OCA2: variants seen among roughly 807,000 people sequenced by gnomAD.
The protein encoded by OCA2 is P protein.
Under a neutral mutation model 100.2 loss-of-function variants are expected in OCA2, and 77 were observed. The ratio of observed to expected loss-of-function variants is 0.77; its 90% CI spans 0.64 to 0.93. The LOEUF (loss-of-function observed/expected upper bound fraction) is 0.93, where lower values mean the gene tolerates loss of function less well. OCA2 is among the 40% of genes least tolerant of loss of function. The pLI, the probability that OCA2 is intolerant of heterozygous loss-of-function variation, is 0.00. For synonymous variants in OCA2, 432 were observed against 439.2 expected (o/e 0.98, Z 0.21); for missense variants, 1,062 against 1,089.1 (o/e 0.98, Z 0.35).
rs540452318 is a variant in OCA2 at position 27,826,517 on chromosome 15, C to A, written c.2432+18442G>T. 1.7e-4 allele frequency among the ~76,000 whole-genome samples: 26 copies of A among 152,240 alleles called. No homozygotes were observed. In the South Asian group the frequency reaches 3.5e-3, roughly 21 times the overall value. On this transcript the variant is annotated intron_variant, in intron 23 of 23. Coordinates refer to ENST00000354638, the MANE Select transcript of OCA2 (RefSeq NM_000275.3). ...GGAACCCAGGCCTGGACACTGCCTC[C>A]CCCTCCTTTCCCCAGCTCCCTGCAC...
At chr15:28,057,644 T>G (rs2043743184) in intron 2 of OCA2, among the ~76,000 whole-genome samples, 1 of 151,958 alleles carries the variant, frequency 6.6e-6, no homozygotes. Context: ...AAGCTACTCT[T>G]GCATTCAAAT....
chr15:27,791,996 G>C (rs982587474), intron 23 of OCA2, among the ~76,000 whole-genome samples: 1 of 152,150 alleles, frequency 6.6e-6, no homozygotes, highest in African/African-American at 2.4e-5. Flanking sequence ...CTCCCAAGGA[G>C]GGGAGGAGCC....
intron 11 of OCA2, among the ~76,000 whole-genome samples, chr15:27,988,988 A>G (rs1482718471): frequency 6.6e-6 from 1 of 152,200 alleles, no homozygotes; most frequent in Non-Finnish European, 1.5e-5. Flanking sequence ...CTTCTAGCCC[A>G]GAGAGGAAGA....
the OCA2 span, among the ~76,000 whole-genome samples, chr15:27,722,788 CTCTCTCTCTCTCTTTCTCTCTCTCTT>C: frequency 7.0e-6 from 1 of 143,590 alleles, no homozygotes; most frequent in African/African-American, 2.7e-5. Flanking sequence ...CTTTCTCTCT[CTCTCTCTCTCTCTTTCTCTCTCTCTT>C]TCTCTCTCTC....
In OCA2 at chr15:28,028,010, A is replaced by G. The variant is rs1566816729; in HGVS notation, c.376T>C (p.Ser126Pro). 1 of 1,613,898 alleles carries G rather than the reference A, an allele frequency of 6.2e-7. No homozygotes were observed. Among genetic ancestry groups the G allele is most frequent in the Non-Finnish European group, 8.5e-7 (1 of 1,179,986 alleles). ...CAGTCAGCAGAGCTGTCTTCCCAAG[A>G]CTCTTCAGCAGTGATGAACTCTGGA... is the stretch of plus-strand genomic sequence containing the variant. ...YHPEFITAEESWEDSSADWER... is the reference protein window; with the variant it reads ...YHPEFITAEEPWEDSSADWER... Residue 126 changes from serine to proline, a missense_variant, in exon 4 of 24, where the codon TCT (serine) becomes CCT (proline). Transcript: ENST00000354638.
intron 11 of OCA2, among the ~76,000 whole-genome samples, chr15:27,987,440 C>T (rs778153439): frequency 3.6e-4 from 55 of 152,076 alleles, no homozygotes; most frequent in Non-Finnish European, 7.1e-4. Flanking sequence ...GAACTTGAGG[C>T]TGGGTGTGGT....
At chr15:27,887,817 G>A (rs961929276) in intron 19 of OCA2, among the ~76,000 whole-genome samples, 3 of 151,318 alleles carry the variant, frequency 2.0e-5, no homozygotes, top group African/African-American at 4.9e-5. Context: ...TCCCTTGGAT[G>A]AAACAATACC....
intron 2 of OCA2, among the ~76,000 whole-genome samples, chr15:28,039,393 T>C (rs1461377825): frequency 5.3e-5 from 8 of 152,238 alleles, no homozygotes; most frequent in Admixed American, 5.2e-4. Flanking sequence ...ATAGACCATA[T>C]GTTAGGACAC....
At chr15:27,761,630 T>C (rs1002392670) in intron 23 of OCA2, among the ~76,000 whole-genome samples, 19 of 152,266 alleles carry the variant, frequency 1.2e-4, no homozygotes, top group Middle Eastern at 3.4e-3. Context: ...CTAAAATGTA[T>C]ATGGAAAGGC....
chr15:27,931,231 A>T (rs2039237642), intron 18 of OCA2, among the ~76,000 whole-genome samples: 1 of 152,360 alleles, frequency 6.6e-6, no homozygotes, highest in African/African-American at 2.4e-5. Flanking sequence ...GGGGAAAAAA[A>T]AATCTCTTAA....
At chr15:27,927,294 A>C (rs1359193236) in intron 18 of OCA2, among the ~76,000 whole-genome samples, 1 of 152,178 alleles carries the variant, frequency 6.6e-6, no homozygotes, top group Non-Finnish European at 1.5e-5. Flanking sequence ...CATCTCAAAA[A>C]CAAAAAAAAG....
intron 23 of OCA2, among the ~76,000 whole-genome samples, chr15:27,825,771 A>G (rs747787915): frequency 1.3e-5 from 2 of 152,174 alleles, no homozygotes; most frequent in Non-Finnish European, 2.9e-5. Context: ...GGAAGTGTCC[A>G]GCTCCCGCAG....
chr15:28,051,253 A>C (rs1194052269), intron 2 of OCA2, among the ~76,000 whole-genome samples: 1 of 152,224 alleles, frequency 6.6e-6, no homozygotes, highest in Admixed American at 6.5e-5. Context: ...AAGGAACTAC[A>C]GTTGGGAAAT....
At chr15:27,997,524 T>A (rs2041789277) in intron 9 of OCA2, among the ~76,000 whole-genome samples, 1 of 151,948 alleles carries the variant, frequency 6.6e-6, no homozygotes, top group Non-Finnish European at 1.5e-5. Flanking sequence ...TCTGTTCTGT[T>A]CCATTGATCT....
At chr15:27,853,549 T>A (rs1351060577) in intron 21 of OCA2, among the ~76,000 whole-genome samples, 1 of 149,842 alleles carries the variant, frequency 6.7e-6, no homozygotes, top group Non-Finnish European at 1.5e-5. Flanking sequence ...AATGTGCACA[T>A]GTACCCTAAA....
rs746027599 is a variant in OCA2 at position 28,014,792 on chromosome 15, G to A, written c.1028C>T (p.Ala343Val). ...GAAAGTTACCTCAAATATGATCAGC[G>A]CGTAGACGCCCGCGAGGATGGCCGT... The part of the protein sequence containing the change: ...IATAILAGVY[A>V]LIIFEIVHRT... The change falls in exon 9 of 24, where the codon GCG (alanine) becomes GTG (valine). Residue 343 changes from alanine to valine, a missense_variant. Ala to Val is a moderately conservative substitution (Grantham distance 64). Coordinates refer to ENST00000354638, the MANE Select transcript of OCA2 (RefSeq NM_000275.3). 14 of 1,613,540 alleles carry A rather than the reference G, an allele frequency of 8.7e-6. No individual in the cohort carries two copies. Among genetic ancestry groups the A allele is most frequent in the Admixed American group, 1.7e-5 (1 of 60,018 alleles).
At chr15:27,960,590 C>CTCTA (rs10651380) in intron 15 of OCA2, among the ~76,000 whole-genome samples, 4,688 of 151,820 alleles carry the variant, frequency 0.031, 168 homozygotes, top group African/African-American at 0.08. Context: ...ACACCATTTG[C>CTCTA]TCTATCTATC....
chr15:27,763,255 T>C lies in OCA2; in HGVS notation c.2433-7783A>G, dbSNP rs894398227. Among the ~76,000 whole-genome samples the C allele has an allele frequency of 4.0e-5, 6 of 151,818 alleles. No homozygotes were observed. The South Asian group carries it at 6.2e-4, about 16-fold the overall frequency. On this transcript the variant is annotated intron_variant, in intron 23 of 23. Transcript: ENST00000354638. ...GCATGACACCAAAAGTATGATTCCATAAGAAAAAAAAATTGATAAAATCAA... is the reference window on the plus strand; with the variant it reads ...GCATGACACCAAAAGTATGATTCCACAAGAAAAAAAAATTGATAAAATCAA...
chr15:27,865,469 C>T (rs2036285735), intron 21 of OCA2, among the ~76,000 whole-genome samples: 1 of 152,188 alleles, frequency 6.6e-6, no homozygotes. Context: ...GACTGGGCGG[C>T]GAGAGCCCAG....
Sources: gnomAD v4.1 joint callset for allele counts (sites outside exome capture counted in the v4.1 genomes callset) on GRCh38, gnomAD v4.1.1 for gene constraint, MANE v1.5 for transcripts, NCBI Gene and HGNC (gene_info 2026-07-23, HGNC 2026-07-21) for gene names.